Variants in RBFOX1 observed in about 807,000 individuals in gnomAD.
RBFOX1 encodes RNA binding fox-1 homolog 1, also known as RNA binding protein fox-1 homolog 1.
Under a neutral mutation model 57.7 loss-of-function variants are expected in RBFOX1, and 8 were observed. The observed-to-expected ratio is 0.14, with a 90% CI of 0.08 to 0.25. The LOEUF (loss-of-function observed/expected upper bound fraction) is 0.25. RBFOX1 is among the 10% of genes least tolerant of loss of function. RBFOX1 has a pLI of 1.00. For missense variants in RBFOX1, 611 were observed against 548.5 expected, an observed-to-expected ratio of 1.11 and a Z score of -1.14; for synonymous variants, 326 against 222.4, an observed-to-expected ratio of 1.47 and a Z score of -4.15.
intron 2 of RBFOX1, among the ~76,000 whole-genome samples, chr16:6,493,019 T>C (rs942540390): frequency 6.6e-6 from 1 of 152,188 alleles, no homozygotes; most frequent in Non-Finnish European, 1.5e-5. Flanking sequence ...ATTACACCTT[T>C]ATTCTTTGTG....
chr16:6,817,880 T>G (rs909607062), intron 3 of RBFOX1, among the ~76,000 whole-genome samples: 1 of 152,166 alleles, frequency 6.6e-6, no homozygotes, highest in Non-Finnish European at 1.5e-5. Flanking sequence ...AAGCCCTTCA[T>G]GAAGGCTTGC....
At chr16:6,737,600 T>C (rs530643225) in intron 3 of RBFOX1, among the ~76,000 whole-genome samples, 5 of 152,310 alleles carry the variant, frequency 3.3e-5, no homozygotes, top group South Asian at 2.1e-4. Flanking sequence ...CGCCCGAGGC[T>C]CATTTGATGT....
At chr16:5,975,002 C>G (rs1308878116) in intron 4 of RBFOX1, among the ~76,000 whole-genome samples, 1 of 152,044 alleles carries the variant, frequency 6.6e-6, no homozygotes, top group Non-Finnish European at 1.5e-5. Context: ...GAGCGAAACT[C>G]CGTCTCAAAA....
intron 10 of RBFOX1, among the ~76,000 whole-genome samples, chr16:7,617,397 G>A (rs746264910): frequency 2.0e-5 from 3 of 152,018 alleles, no homozygotes; most frequent in Non-Finnish European, 4.4e-5. Context: ...ATCCAAAAAC[G>A]TGAAAGCCAT....
chr16:6,665,507 C>T (rs903587337), intron 3 of RBFOX1, among the ~76,000 whole-genome samples: 2 of 151,602 alleles, frequency 1.3e-5, no homozygotes, highest in African/African-American at 4.9e-5. Context: ...CACCTGTAAT[C>T]GCAGCTACTT....
chr16:5,370,810 T>A (rs1334742695), intron 1 of RBFOX1, among the ~76,000 whole-genome samples: 1 of 151,956 alleles, frequency 6.6e-6, no homozygotes, highest in Admixed American at 6.6e-5. Context: ...CTTCCTTTCC[T>A]TCTTATCAGC....
chr16:5,623,410 C>G (rs2048256212), intron 3 of RBFOX1, among the ~76,000 whole-genome samples: 2 of 152,174 alleles, frequency 1.3e-5, no homozygotes, highest in Admixed American at 1.3e-4. Flanking sequence ...GAGAAAGTCT[C>G]TACTCTCAGC....
At chr16:6,288,948 A>C (rs1417788704) in intron 1 of RBFOX1, among the ~76,000 whole-genome samples, 1 of 152,118 alleles carries the variant, frequency 6.6e-6, no homozygotes, top group Non-Finnish European at 1.5e-5. Context: ...CACCCCCAGG[A>C]GGGTATAGAC....
At chr16:7,063,824 A>G (rs1420595975) in intron 4 of RBFOX1, among the ~76,000 whole-genome samples, 1 of 152,196 alleles carries the variant, frequency 6.6e-6, no homozygotes, top group African/African-American at 2.4e-5. Flanking sequence ...TCAGGTATTC[A>G]AGTAATATAG....
chr16:7,466,968 C>T (rs1195743844), intron 4 of RBFOX1, among the ~76,000 whole-genome samples: 1 of 152,188 alleles, frequency 6.6e-6, no homozygotes, highest in Non-Finnish European at 1.5e-5. Flanking sequence ...AGCACCCACT[C>T]TGCTCCAGGG....
At chr16:5,702,765 C>T (rs933987176) in intron 3 of RBFOX1, among the ~76,000 whole-genome samples, 1 of 152,132 alleles carries the variant, frequency 6.6e-6, no homozygotes, top group African/African-American at 2.4e-5. Flanking sequence ...CATGAACATG[C>T]TGCTTGGGGG....
At chr16:7,459,035 T>A (rs985218578) in intron 4 of RBFOX1, among the ~76,000 whole-genome samples, 13 of 152,126 alleles carry the variant, frequency 8.5e-5, no homozygotes, top group African/African-American at 3.1e-4. Context: ...AATGGATGGA[T>A]GAATGATGGA....
intron 14 of RBFOX1, among the ~76,000 whole-genome samples, chr16:7,694,563 T>C (rs1160147207): frequency 2.6e-5 from 4 of 152,198 alleles, no homozygotes; most frequent in Non-Finnish European, 5.9e-5. Context: ...AATGGTATAC[T>C]CTTTCTATAA....
chr16:5,314,663 G>A (rs1353444400), intron 1 of RBFOX1, among the ~76,000 whole-genome samples: 3 of 151,926 alleles, frequency 2.0e-5, no homozygotes, highest in Non-Finnish European at 2.9e-5. Flanking sequence ...ACCATGCCCA[G>A]CTAATTTTTT....
intron 3 of RBFOX1, among the ~76,000 whole-genome samples, chr16:5,808,219 A>C (rs1470807974): frequency 6.6e-6 from 1 of 152,198 alleles, no homozygotes; most frequent in African/African-American, 2.4e-5. Flanking sequence ...GTACAGAGTG[A>C]AGACCAAGAA....
chr16:5,426,287 AC>A (rs1219897639), intron 1 of RBFOX1, among the ~76,000 whole-genome samples: 2 of 152,116 alleles, frequency 1.3e-5, no homozygotes, highest in Non-Finnish European at 2.9e-5. Context: ...TGTATGCAGC[AC>A]CCCCATTCCT....
intron 1 of RBFOX1, among the ~76,000 whole-genome samples, chr16:5,252,711 C>G (rs937994247): frequency 6.6e-6 from 1 of 152,218 alleles, no homozygotes; most frequent in African/African-American, 2.4e-5. Context: ...ATCCCATCCG[C>G]CCCCATCTGG....
intron 2 of RBFOX1, among the ~76,000 whole-genome samples, chr16:5,547,006 A>G (rs1264797464): frequency 1.3e-5 from 2 of 152,212 alleles, no homozygotes; most frequent in African/African-American, 4.8e-5. Context: ...AACTTGTTCA[A>G]CATCATTAAT....
chr16:7,290,850 A>G (rs1008669698), intron 4 of RBFOX1, among the ~76,000 whole-genome samples: 2 of 152,202 alleles, frequency 1.3e-5, no homozygotes, highest in African/African-American at 4.8e-5. Context: ...GAGTCTCAGC[A>G]TGCTTGTGGG....
Sources: allele counts gnomAD v4.1 joint callset (sites outside exome capture counted in the v4.1 genomes callset), GRCh38; gene constraint gnomAD v4.1.1; transcripts MANE v1.5; gene names NCBI Gene and HGNC (gene_info 2026-07-23, HGNC 2026-07-21).